The following NF1 variants were observed in gnomAD, a reference collection of about 807,000 sequenced individuals.
The protein encoded by NF1 is neurofibromin.
A neutral mutation model predicts 325.7 loss-of-function variants in NF1; 122 were observed. The observed-to-expected ratio is 0.37, with a 90% confidence interval of 0.32 to 0.44. The LOEUF (loss-of-function observed/expected upper bound fraction) is 0.44. Ranked by LOEUF, NF1 falls within the 20% of genes least tolerant of loss-of-function variation. NF1 has a pLI of 1.00. For missense variants in NF1, 2,140 were observed against 3,415.4 expected, an observed-to-expected ratio of 0.63 and a Z score of 9.31; for synonymous variants, 1,091 against 1,186.0, an observed-to-expected ratio of 0.92 and a Z score of 1.65.
rs1555614208 is a variant in NF1 at position 31,229,123 on chromosome 17, A to G, written c.2508A>G (p.Glu836=). The G allele has an allele frequency of 6.2e-6, 10 of 1,611,908 alleles. No individual in the cohort carries two copies. The highest frequency in any genetic ancestry group is 8.5e-6 in the Non-Finnish European group (10 of 1,179,792). ...IDLSDTDSLQ[E]WINMTGFLCA... ...TGTCTGACACAGACTCCCTACAGGA[A>G]TGGATCAACATGACTGGCTTCCTTT... Residue 836 remains glutamate (E), a synonymous_variant, in exon 21 of 58, where the codon GAA becomes GAG. Transcript: ENST00000358273.
chr17:31,097,503 A>G (rs918164222), intron 1 of NF1, among the ~76,000 whole-genome samples: 2 of 150,618 alleles, frequency 1.3e-5, no homozygotes, highest in African/African-American at 4.9e-5. Flanking sequence ...TTGATTATAT[A>G]CCCAGTAAAG....
chr17:31,356,614 A>G (rs895548858), intron 52 of NF1, 32 bp downstream of exon 52: 21 of 1,612,402 alleles, frequency 1.3e-5, no homozygotes, highest in Non-Finnish European at 1.6e-5. Flanking sequence ...TAGATCATTG[A>G]AAATAAGGTG....
rs2151582636 is a variant in NF1, at chr17:31,357,107, T to C, written c.7869+17T>C. On this transcript the variant is annotated intron_variant, in intron 53 of 57. Coordinates refer to ENST00000358273, the MANE Select transcript of NF1 (RefSeq NM_001042492.3). ...ACTGTTCTAGTAAGGATTTCCCCTT[T>C]TTGAGTCCCCCACCCTCAAATTTTT... 1 of 1,612,838 alleles carries C rather than the reference T, an allele frequency of 6.2e-7. No homozygotes were observed. Among genetic ancestry groups the C allele is most frequent in the South Asian group, 1.1e-5 (1 of 91,082 alleles).
intron 5 of NF1, among the ~76,000 whole-genome samples, chr17:31,175,729 A>T (rs560577045): frequency 6.6e-6 from 1 of 151,620 alleles, no homozygotes; most frequent in Non-Finnish European, 1.5e-5. Context: ...CCCTGTGTAC[A>T]TGTGTTCTTA....
At chr17:31,362,428 G>T (rs2070421176) in intron 57 of NF1, 1 of 823,012 alleles carries the variant, frequency 1.2e-6, no homozygotes, top group Non-Finnish European at 1.5e-6. Context: ...GAAGAGCTGG[G>T]TTAACTGCTT....
At chr17:31,283,815 C>G (rs1418894854) in intron 36 of NF1, among the ~76,000 whole-genome samples, 1 of 152,084 alleles carries the variant, frequency 6.6e-6, no homozygotes, top group Non-Finnish European at 1.5e-5. Flanking sequence ...TATAGACCTA[C>G]ATGACTACGG....
At chr17:31,195,703 AT>A (rs1354888731) in intron 8 of NF1, among the ~76,000 whole-genome samples, 2 of 96,550 alleles carry the variant, frequency 2.1e-5, no homozygotes, top group Non-Finnish European at 6.1e-5. Context: ...ACAGGATTTC[AT>A]TCTTTTTTTT....
chr17:31,278,669 C>T (rs140337085), intron 36 of NF1, among the ~76,000 whole-genome samples: 1 of 150,244 alleles, frequency 6.7e-6, no homozygotes, highest in Non-Finnish European at 1.5e-5. Context: ...GGCTGGAGTG[C>T]AGTGGCACGA....
chr17:31,305,768 T>A, intron 36 of NF1: 2 of 736,904 alleles, frequency 2.7e-6, no homozygotes, highest in Non-Finnish European at 4.3e-6. Context: ...TTAGTAGTTA[T>A]TATTCCTAAT....
chr17:31,313,975 T>C (rs1367007867), intron 36 of NF1: 1 of 397,998 alleles, frequency 2.5e-6, no homozygotes, highest in African/African-American at 2.1e-5. Flanking sequence ...GAAAATTTTC[T>C]TACCTCAGCT....
At chr17:31,279,075 C>T (rs546329738) in intron 36 of NF1, among the ~76,000 whole-genome samples, 16 of 151,998 alleles carry the variant, frequency 1.1e-4, no homozygotes, top group Admixed American at 9.2e-4. Flanking sequence ...CCTGTCTCTA[C>T]AAAGTACATT....
intron 5 of NF1, among the ~76,000 whole-genome samples, chr17:31,174,249 T>A (rs1429670874): frequency 6.6e-6 from 1 of 152,230 alleles, no homozygotes; most frequent in African/African-American, 2.4e-5. Flanking sequence ...TTACTGTTAC[T>A]TGCGTTAAAA....
At chr17:31,338,838 T>A in intron 46 of NF1, 33 bp downstream of exon 46, 1 of 1,344,826 alleles carries the variant, frequency 7.4e-7, no homozygotes, top group Non-Finnish European at 1.1e-6. Context: ...GTGCATTCAT[T>A]TTGGGTATCA....
chr17:31,341,482 C>T (rs1166198702), intron 47 of NF1, among the ~76,000 whole-genome samples: 1 of 151,898 alleles, frequency 6.6e-6, no homozygotes, highest in Admixed American at 6.6e-5. Context: ...GAGATCACGC[C>T]ACTGCACTCC....
At chr17:31,101,942 C>G (rs1203986601) in intron 1 of NF1, among the ~76,000 whole-genome samples, 5 of 152,154 alleles carry the variant, frequency 3.3e-5, no homozygotes, top group African/African-American at 7.2e-5. Flanking sequence ...TCTAGTCACC[C>G]CAGTGCCCAG....
At chr17:31,371,237 C>T (rs973589673) in intron 57 of NF1, among the ~76,000 whole-genome samples, 10 of 152,098 alleles carry the variant, frequency 6.6e-5, no homozygotes, top group Admixed American at 5.2e-4. Flanking sequence ...GATCTTTACC[C>T]TTCTCAGTGC....
chr17:31,319,702 T>C (rs990611764), intron 36 of NF1, among the ~76,000 whole-genome samples: 2 of 150,784 alleles, frequency 1.3e-5, no homozygotes, highest in African/African-American at 4.9e-5. Context: ...CTGGACTGAC[T>C]GTGTCTTTCT....
rs1362193603 is a variant in NF1, at chr17:31,100,605, T to C, written c.60+5236T>C. ...TTTATTTTGAGATGGAGTCTCACTC[T>C]GTCGCCCAGGCTGGAGTGCAGTGGC... On this transcript the variant is annotated intron_variant, in intron 1 of 57. Coordinates refer to ENST00000358273, the MANE Select transcript of NF1 (RefSeq NM_001042492.3). 2.6e-5 allele frequency among the ~76,000 whole-genome samples: 4 copies of C among 152,190 alleles called. No individual in the cohort carries two copies. The East Asian group carries it at 7.7e-4, about 29-fold the overall frequency.
At chr17:31,120,999 G>A (rs1365087682) in intron 1 of NF1, among the ~76,000 whole-genome samples, 1 of 151,922 alleles carries the variant, frequency 6.6e-6, no homozygotes, top group Non-Finnish European at 1.5e-5. Flanking sequence ...AATTAAAAGA[G>A]TGCATTTACC....
Sources: allele counts gnomAD v4.1 joint callset (sites outside exome capture counted in the v4.1 genomes callset), GRCh38; gene constraint gnomAD v4.1.1; transcripts MANE v1.5; gene names NCBI Gene and HGNC (gene_info 2026-07-23, HGNC 2026-07-21).